The following ACVR2B variants were observed in gnomAD, a reference collection of about 807,000 sequenced individuals.
ACVR2B encodes the protein activin A receptor type 2B, also known as activin receptor type-2B.
ACVR2B carries 18 observed loss-of-function variants against 65.1 expected under a neutral mutation model. The ratio of observed to expected loss-of-function variants is 0.28; its 90% confidence interval spans 0.19 to 0.41. ACVR2B has a LOEUF of 0.41. Among genes scored for constraint, ACVR2B ranks in the 10% least tolerant of loss-of-function variants. The pLI is 1.00. For missense variants in ACVR2B, 482 were observed against 682.7 expected (o/e 0.71, Z 3.28); for synonymous variants, 298 against 277.7 (o/e 1.07, Z -0.73).
chr3:38,483,180 C>T lies in ACVR2B; in HGVS notation c.1387C>T (p.His463Tyr). 6.2e-7 allele frequency: 1 copy of T among 1,614,158 alleles called. No individual in the cohort carries two copies. Among genetic ancestry groups the T allele is most frequent in the Non-Finnish European group, 8.5e-7 (1 of 1,180,030 alleles). Residue 463 changes from histidine to tyrosine, a missense_variant, in exon 11 of 11, where the codon CAT becomes TAT. By Grantham distance (83) the His-to-Tyr change is moderately conservative. Around this residue, in one of 5 missense-constraint regions of ACVR2B, gnomAD observed 223 missense variants for 386.3 expected, o/e 0.58. Coordinates refer to ENST00000352511, the MANE Select transcript of ACVR2B (RefSeq NM_001106.4). This position sits in a 1 kb window ranked among gnomAD's most constrained non-coding sequence, Gnocchi z 4.8. The part of the protein sequence containing the change: ...LCVTIEECWD[H>Y]DAEARLSAGC... ...TGTGACCATCGAGGAGTGCTGGGACCATGATGCAGAGGCTCGCTTGTCCGC... is the reference window on the plus strand; with the variant it reads ...TGTGACCATCGAGGAGTGCTGGGACTATGATGCAGAGGCTCGCTTGTCCGC...
chr3:38,463,307 T>C (rs916029852), intron 1 of ACVR2B, among the ~76,000 whole-genome samples: 4 of 152,208 alleles, frequency 2.6e-5, no homozygotes, highest in Non-Finnish European at 5.9e-5. Context: ...ACAGCACTAC[T>C]GGCAAGCCCA....
rs1276328072 is a variant in ACVR2B at position 38,478,588 on chromosome 3, C to T, written c.666+70C>T. 16 of 1,605,474 alleles carry T rather than the reference C, an allele frequency of 1.0e-5. No homozygotes were observed. In the East Asian group the frequency reaches 2.7e-4, roughly 27 times the overall value. On this transcript the variant is annotated intron_variant, in intron 5 of 10. Coordinates refer to ENST00000352511, the MANE Select transcript of ACVR2B (RefSeq NM_001106.4). ...AGCTTGAACTGGAGGCTCTCCTGAC[C>T]TGGGGCAATCCAAACCCCAAATAAT...
chr3:38,482,325 A>G lies in ACVR2B; in HGVS notation c.1202A>G (p.Lys401Arg). Reference protein sequence around the residue: ...LVLWELVSRCKAADGPVDEYM... With the variant: ...LVLWELVSRCRAADGPVDEYM... The stretch of plus-strand genomic sequence containing the variant: ...CTGTGGGAGCTTGTGTCTCGCTGCA[A>G]GGCTGCAGACGGTAAGTAGGATGGC... Residue 401 changes from lysine (K) to arginine (R), a missense_variant, in exon 9 of 11, where the codon AAG becomes AGG. Transcript: ENST00000352511. 1 of 1,611,500 alleles carries G rather than the reference A, an allele frequency of 6.2e-7. No homozygotes were observed. The highest frequency in any genetic ancestry group is 1.1e-5 in the South Asian group (1 of 90,824).
intron 1 of ACVR2B, among the ~76,000 whole-genome samples, chr3:38,455,823 T>C (rs1295447470): frequency 6.6e-6 from 1 of 152,018 alleles, no homozygotes; most frequent in Admixed American, 6.6e-5. Context: ...TGCTCGAAAG[T>C]GAAAGGGGAG....
At chr3:38,473,059 C>T (rs1039449563) in intron 1 of ACVR2B, among the ~76,000 whole-genome samples, 3 of 151,952 alleles carry the variant, frequency 2.0e-5, no homozygotes, top group Non-Finnish European at 2.9e-5. Context: ...GTGTGAGGGT[C>T]GGGGGTGGTG....
intron 1 of ACVR2B, among the ~76,000 whole-genome samples, chr3:38,465,806 A>G (rs942913332): frequency 7.9e-5 from 12 of 152,264 alleles, no homozygotes; most frequent in African/African-American, 2.7e-4. Flanking sequence ...CACAGATTCA[A>G]GAAGTCCTGT....
At chr3:38,467,605 C>T (rs542743529) in intron 1 of ACVR2B, among the ~76,000 whole-genome samples, 1 of 151,602 alleles carries the variant, frequency 6.6e-6, no homozygotes, top group African/African-American at 2.4e-5. Context: ...AAAAAATTAG[C>T]CGAGTGTGGT....
chr3:38,479,122 C>G lies in ACVR2B; in HGVS notation c.667-6C>G. 1 of 1,614,102 alleles carries G rather than the reference C, an allele frequency of 6.2e-7. No homozygotes were observed. On this transcript the variant is annotated splice_region_variant and splice_polypyrimidine_tract_variant and intron_variant, in intron 5 of 10. Coordinates refer to ENST00000352511, the MANE Select transcript of ACVR2B (RefSeq NM_001106.4). ...TGTCCCCCCAACCCCTCGCCCCCGG[C>G]CTCAGGACAAGCAGTCGTGGCAGAG...
chr3:38,478,880 G>A (rs958852467), intron 5 of ACVR2B, among the ~76,000 whole-genome samples: 1 of 152,108 alleles, frequency 6.6e-6, no homozygotes, highest in African/African-American at 2.4e-5. Flanking sequence ...GGCCCCATTT[G>A]TAAATCGAAG....
chr3:38,454,558 C>A, intron 1 of ACVR2B, 184 bp downstream of exon 1: 1 of 441,078 alleles, frequency 2.3e-6, no homozygotes, highest in Non-Finnish European at 3.6e-6. Flanking sequence ...AACTTGGGGG[C>A]ACGATCTTGT....
intron 1 of ACVR2B, chr3:38,459,717 T>G (rs1575577918): frequency 2.1e-6 from 2 of 971,788 alleles, no homozygotes; most frequent in African/African-American, 1.8e-5. Context: ...TCCCTCAGGG[T>G]GTGGTGGCCA....
intron 1 of ACVR2B, chr3:38,475,141 G>A (rs1416648014): frequency 6.6e-6 from 1 of 152,352 alleles, no homozygotes; most frequent in African/African-American, 2.4e-5. Flanking sequence ...GCTGCTGCAG[G>A]CAGACAGGGA....
chr3:38,454,148 G>C lies in ACVR2B; in HGVS notation c.-175G>C, dbSNP rs1461641366. On this transcript the variant is annotated 5_prime_UTR_variant, in exon 1 of 11. Transcript: ENST00000352511. ...GGCCCTGAGCCCGGCCCCGCCGACC[G>C]GCCCTTGGAGCCCGAACGCTGCTCG... 3.2e-6 allele frequency: 1 copy of C among 316,814 alleles called. No homozygotes were observed. The highest frequency in any genetic ancestry group is 1.2e-4 in the South Asian group (1 of 8,414). The allele number at this position is 316,814 out of a possible 1,614,324, so 19.6% of individuals were successfully genotyped here. A position where few individuals can be genotyped will look rare whatever the true frequency, so the allele number is the denominator to read the frequency against.
rs1210429265 is a variant in ACVR2B, at chr3:38,479,120, G to A, written c.667-8G>A. On this transcript the variant is annotated splice_region_variant and splice_polypyrimidine_tract_variant and intron_variant, in intron 5 of 10. Coordinates refer to ENST00000352511, the MANE Select transcript of ACVR2B (RefSeq NM_001106.4). ...CTTGTCCCCCCAACCCCTCGCCCCCGGCCTCAGGACAAGCAGTCGTGGCAG... is the reference window on the plus strand; with the variant it reads ...CTTGTCCCCCCAACCCCTCGCCCCCAGCCTCAGGACAAGCAGTCGTGGCAG... 6.2e-7 allele frequency: 1 copy of A among 1,614,048 alleles called. No individual in the cohort carries two copies. The highest frequency in any genetic ancestry group is 8.5e-7 in the Non-Finnish European group (1 of 1,179,996).
In ACVR2B at chr3:38,470,326, G is replaced by C. The variant is rs574250838; in HGVS notation, c.53-6961G>C. ...TGCCAAGAGAGAAAGCAGCCAGAAA[G>C]AAAAAAACAGAATATCTGCAAAGTT... On this transcript the variant is annotated intron_variant, in intron 1 of 10. Transcript: ENST00000352511. Among the ~76,000 whole-genome samples, 5 of 152,044 alleles carry C rather than the reference G, an allele frequency of 3.3e-5. No homozygotes were observed. The East Asian group carries it at 9.6e-4, about 29-fold the overall frequency.
rs1200614677 is a variant in ACVR2B at position 38,482,288 on chromosome 3, A to G, written c.1165A>G (p.Met389Val). The change falls in exon 9 of 11, where the codon ATG (methionine) becomes GTG (valine). Residue 389 changes from methionine to valine, a missense_variant. Around this residue, in one of 5 missense-constraint regions of ACVR2B, gnomAD observed 223 missense variants for 386.3 expected, o/e 0.58. Coordinates refer to ENST00000352511, the MANE Select transcript of ACVR2B (RefSeq NM_001106.4). ...DAFLRIDMYA[M>V]GLVLWELVSR... ...CTTCCTGCGCATTGACATGTATGCC[A>G]TGGGGTTGGTGCTGTGGGAGCTTGT... The G allele has an allele frequency of 3.1e-6, 5 of 1,612,652 alleles. No homozygotes were observed. The highest frequency in any genetic ancestry group is 1.3e-5 in the African/African-American group (1 of 74,438).
chr3:38,454,577 T>C, intron 1 of ACVR2B: 1 of 389,026 alleles, frequency 2.6e-6, no homozygotes. Flanking sequence ...GTCTGTGCAG[T>C]CATCTGCGGG....
chr3:38,470,455 A>G (rs1165587541), intron 1 of ACVR2B, among the ~76,000 whole-genome samples: 1 of 152,252 alleles, frequency 6.6e-6, no homozygotes, highest in African/African-American at 2.4e-5. Flanking sequence ...TTTTATGTTC[A>G]TCTAAATTGC....
intron 1 of ACVR2B, among the ~76,000 whole-genome samples, chr3:38,469,675 A>G (rs1022835624): frequency 1.3e-5 from 2 of 152,252 alleles, no homozygotes; most frequent in African/African-American, 2.4e-5. Flanking sequence ...AGGCAGAAAT[A>G]TAAGTTACCT....
Sources: gnomAD v4.1 joint callset for allele counts (sites outside exome capture counted in the v4.1 genomes callset) on GRCh38, gnomAD v4.1.1 for gene constraint, gnomAD v4.1.1 regional missense constraint, Gnocchi (gnomAD v3.1) non-coding constraint, MANE v1.5 for transcripts, NCBI Gene and HGNC (gene_info 2026-07-23, HGNC 2026-07-21) for gene names.